Variants in DHCR24 observed in about 807,000 individuals in gnomAD.
DHCR24 encodes 24-dehydrocholesterol reductase.
A neutral mutation model predicts 61.2 loss-of-function variants in DHCR24; 28 were observed. That is an observed-to-expected ratio of 0.46 (90% confidence interval 0.34 to 0.63). DHCR24 has a LOEUF of 0.63. Ranked by LOEUF, DHCR24 falls within the 20% of genes least tolerant of loss-of-function variation. The pLI, the probability that DHCR24 is intolerant of heterozygous loss-of-function variation, is 0.01. For synonymous variants in DHCR24, 261 were observed against 275.9 expected (o/e 0.95, Z 0.54); for missense variants, 538 against 679.1 (o/e 0.79, Z 2.31).
Position 54,865,513 on chromosome 1 carries a change from C to T in DHCR24, c.877-67G>A, listed in dbSNP as rs1008077414. 1.1e-5 allele frequency: 17 copies of T among 1,597,698 alleles called. No homozygotes were observed. In the African/African-American group the frequency reaches 1.3e-4, roughly 13 times the overall value. ...GCCCAGCACCATCGGGGTGTAACAG[C>T]GACACCCGGCTTCTGTTCAGCACTC... On this transcript the variant is annotated intron_variant, in intron 5 of 8. Coordinates refer to ENST00000371269, the MANE Select transcript of DHCR24 (RefSeq NM_014762.4).
intron 2 of DHCR24, among the ~76,000 whole-genome samples, chr1:54,876,955 G>A (rs1248816701): frequency 6.6e-6 from 1 of 151,822 alleles, no homozygotes; most frequent in Non-Finnish European, 1.5e-5. Context: ...GAAGTATAGT[G>A]GTTCTGTCCA....
chr1:54,852,372 T>G lies in DHCR24; in HGVS notation c.1412A>C (p.Tyr471Ser), dbSNP rs28939092. ...CTCCCGGTTCATGTAGCAGTCGGCATACAGCATCTGGAAGCTGCAGAGGCA... is the reference window on the plus strand; with the variant it reads ...CTCCCGGTTCATGTAGCAGTCGGCAGACAGCATCTGGAAGCTGCAGAGGCA... ...VRSVHGFQML[Y>S]ADCYMNREEF... The change falls in exon 9 of 9, where the codon TAT becomes TCT. Residue 471 changes from tyrosine to serine, a missense_variant. Physicochemically the swap from Tyr to Ser is moderately radical, Grantham distance 144. Transcript: ENST00000371269. 1.2e-6 allele frequency: 2 copies of G among 1,614,070 alleles called. No individual in the cohort carries two copies. The highest frequency in any genetic ancestry group is 1.7e-6 in the Non-Finnish European group (2 of 1,180,042).
intron 6 of DHCR24, among the ~76,000 whole-genome samples, chr1:54,858,220 G>T (rs377664511): frequency 1.3e-5 from 2 of 152,270 alleles, no homozygotes; most frequent in African/African-American, 4.8e-5. Flanking sequence ...ACTGCCCTTG[G>T]CAGAAGGGAG....
At chr1:54,854,914 G>C (rs1461318640) in intron 6 of DHCR24, among the ~76,000 whole-genome samples, 5 of 152,156 alleles carry the variant, frequency 3.3e-5, no homozygotes, top group Non-Finnish European at 7.4e-5. Flanking sequence ...CAGCACTGCT[G>C]CCTCCTGACG....
At position 54,852,252 on chromosome 1, in the gene DHCR24, C is replaced by A; in HGVS notation, c.1532G>T (p.Cys511Phe). 6.2e-7 allele frequency: 1 copy of A among 1,614,218 alleles called. No individual in the cohort carries two copies. The highest frequency in any genetic ancestry group is 8.5e-7 in the Non-Finnish European group (1 of 1,180,040). The change falls in exon 9 of 9, where the codon TGC (cysteine) becomes TTC (phenylalanine). Residue 511 changes from cysteine to phenylalanine, a missense_variant. Physicochemically the swap from Cys to Phe is radical, Grantham distance 205. Coordinates refer to ENST00000371269, the MANE Select transcript of DHCR24 (RefSeq NM_014762.4). Reference protein sequence around the residue: ...DAFPEVYDKICKAARH With the variant: ...DAFPEVYDKIFKAARH ...TCCAGCTCAGTGCCTGGCGGCCTTG[C>A]AGATCTTGTCGTACACCTCGGGGAA...
intron 5 of DHCR24, among the ~76,000 whole-genome samples, chr1:54,869,919 G>A (rs1307158225): frequency 6.6e-6 from 1 of 152,038 alleles, no homozygotes; most frequent in African/African-American, 2.4e-5. Flanking sequence ...GGCAGGCATG[G>A]TGGTGCATGC....
At chr1:54,857,441 T>A (rs1373059375) in intron 6 of DHCR24, among the ~76,000 whole-genome samples, 3 of 152,262 alleles carry the variant, frequency 2.0e-5, no homozygotes, top group Non-Finnish European at 4.4e-5. Flanking sequence ...CAACCGCTTA[T>A]ACTAAAATGA....
rs10449751 is a variant in DHCR24 at position 54,867,945 on chromosome 1, C to T, written c.877-2499G>A. Among the ~76,000 whole-genome samples, 1,349 of 152,240 alleles carry T rather than the reference C, an allele frequency of 8.9e-3. 56 individuals carry two copies. In the East Asian group the frequency reaches 0.12, roughly 14 times the overall value. Reference sequence around the variant, plus strand: ...TCTGCAGGCTGATATGTCAGGGAACCGACACTGAACCAGGAGTCAGAAGCT... The same window carrying T: ...TCTGCAGGCTGATATGTCAGGGAACTGACACTGAACCAGGAGTCAGAAGCT... On this transcript the variant is annotated intron_variant, in intron 5 of 8. Transcript: ENST00000371269.
At chr1:54,882,129 AAAAG>A (rs150960999) in intron 2 of DHCR24, among the ~76,000 whole-genome samples, 68,142 of 116,376 alleles carry the variant, frequency 0.59, 16,924 homozygotes, top group South Asian at 0.7. Flanking sequence ...TTAAAAGTTT[AAAAG>A]AAAAAAAAAA....
In DHCR24 at chr1:54,886,966, C is replaced by G; in HGVS notation, c.154G>C (p.Val52Leu). ...AGCTTGAACACCACCCAGGCGCGCA[C>G]GTAGTAGTAGATATCGAAGATAAGC... ...LSLIFDIYYY[V>L]RAWVVFKLSS... The change falls in exon 1 of 9, where the codon GTG becomes CTG. Residue 52 changes from valine (V) to leucine (L), a missense_variant. Physicochemically the swap from Val to Leu is conservative, Grantham distance 32 (BLOSUM62 1). Coordinates refer to ENST00000371269, the MANE Select transcript of DHCR24 (RefSeq NM_014762.4). 1 of 1,613,672 alleles carries G rather than the reference C, an allele frequency of 6.2e-7. No homozygotes were observed. The highest frequency in any genetic ancestry group is 1.1e-5 in the South Asian group (1 of 91,060).
chr1:54,875,362 A>G (rs1211292777), intron 3 of DHCR24, 151 bp from the exon 4 acceptor site: 2 of 740,788 alleles, frequency 2.7e-6, no homozygotes, highest in South Asian at 1.4e-5. Flanking sequence ...CCACCTGTCA[A>G]TCTAGAGAGC....
chr1:54,865,656 T>C (rs1045435705), intron 5 of DHCR24, among the ~76,000 whole-genome samples: 1 of 152,126 alleles, frequency 6.6e-6, no homozygotes, highest in Non-Finnish European at 1.5e-5. Flanking sequence ...AGAGGTTAAG[T>C]GGTGTGTGCC....
intron 2 of DHCR24, among the ~76,000 whole-genome samples, chr1:54,878,013 A>G (rs1354224652): frequency 6.6e-6 from 1 of 152,042 alleles, no homozygotes; most frequent in East Asian, 1.9e-4. Flanking sequence ...CTCAAAAAAA[A>G]AAAAAAAGAG....
At position 54,850,785 on chromosome 1, in the gene DHCR24, T is replaced by G. The variant is rs1392957644; in HGVS notation, c.*1448A>C. Reference sequence around the variant, plus strand: ...ACAGTGTCTAAGACAATCAGAAGGGTTCCAGGGAGGTCTTGTCTGTAGCGA... The same window carrying G: ...ACAGTGTCTAAGACAATCAGAAGGGGTCCAGGGAGGTCTTGTCTGTAGCGA... On this transcript the variant is annotated 3_prime_UTR_variant, in exon 9 of 9. Coordinates refer to ENST00000371269, the MANE Select transcript of DHCR24 (RefSeq NM_014762.4). 6.6e-6 allele frequency: 1 copy of G among 152,116 alleles called. No individual in the cohort carries two copies. The highest frequency in any genetic ancestry group is 1.5e-5 in the Non-Finnish European group (1 of 68,038). The allele number at this position is 152,116 out of a possible 1,614,324, so 9.4% of individuals were successfully genotyped here.
chr1:54,862,162 T>C (rs1312517989), intron 6 of DHCR24, among the ~76,000 whole-genome samples: 1 of 152,022 alleles, frequency 6.6e-6, no homozygotes, highest in African/African-American at 2.4e-5. Context: ...ACTGGATCAC[T>C]GTCATGACTG....
chr1:54,872,077 C>A (rs1403293572), intron 4 of DHCR24, among the ~76,000 whole-genome samples: 1 of 152,160 alleles, frequency 6.6e-6, no homozygotes, highest in Admixed American at 6.5e-5. Context: ...CCCAGTCCAT[C>A]GGCTTGTGGG....
chr1:54,859,418 G>C (rs1403418940), intron 6 of DHCR24, among the ~76,000 whole-genome samples: 1 of 152,132 alleles, frequency 6.6e-6, no homozygotes, highest in Non-Finnish European at 1.5e-5. Context: ...TGCAGCAATA[G>C]ATCACTAATA....
chr1:54,868,122 A>G (rs550581803), intron 5 of DHCR24, among the ~76,000 whole-genome samples: 1 of 152,332 alleles, frequency 6.6e-6, no homozygotes, highest in East Asian at 1.9e-4. Context: ...ATATAGGTAT[A>G]GATTAAGAGT....
At chr1:54,864,498 G>A (rs1406998210) in intron 6 of DHCR24, among the ~76,000 whole-genome samples, 1 of 152,186 alleles carries the variant, frequency 6.6e-6, no homozygotes, top group East Asian at 1.9e-4. Context: ...AGAGACAGAA[G>A]ATGAATTGGT....
Sources: allele counts gnomAD v4.1 joint callset (sites outside exome capture counted in the v4.1 genomes callset), GRCh38; gene constraint gnomAD v4.1.1; transcripts MANE v1.5; gene names NCBI Gene and HGNC (gene_info 2026-07-23, HGNC 2026-07-21).